Variants in GALNT13 observed in about 807,000 individuals in gnomAD.
GALNT13 encodes UDP-GalNAc:polypeptide N-acetylgalactosaminyltransferase 13.
In GALNT13, 28 loss-of-function variants were observed where a neutral mutation model predicts 64.2. The ratio of observed to expected loss-of-function variants is 0.44; its 90% CI spans 0.32 to 0.60. GALNT13 has a LOEUF of 0.60. GALNT13 is among the 20% of genes least tolerant of loss of function. The pLI is 0.05. For synonymous variants in GALNT13, 214 were observed against 224.6 expected (o/e 0.95, Z 0.42); for missense variants, 577 against 669.8 (o/e 0.86, Z 1.53).
At chr2:153,197,643 T>C in the GALNT13 span, among the ~76,000 whole-genome samples, 16 of 152,006 alleles carry the variant, frequency 1.1e-4, no homozygotes, top group Non-Finnish European at 2.1e-4. Flanking sequence ...CCCCAGGCAG[T>C]GTGTTTGAGT....
chr2:153,839,249 C>T, the GALNT13 span, among the ~76,000 whole-genome samples: 2 of 151,682 alleles, frequency 1.3e-5, no homozygotes, highest in East Asian at 1.9e-4. Context: ...ATATATTTTA[C>T]TTTTTTTTCT....
chr2:154,131,958 C>A (rs1682644895), intron 3 of GALNT13, among the ~76,000 whole-genome samples: 1 of 152,180 alleles, frequency 6.6e-6, no homozygotes, highest in Non-Finnish European at 1.5e-5. Flanking sequence ...TGTTCGAGGG[C>A]AGAAAGCATC....
chr2:153,449,261 C>A, the GALNT13 span, among the ~76,000 whole-genome samples: 1 of 152,044 alleles, frequency 6.6e-6, no homozygotes, highest in African/African-American at 2.4e-5. Flanking sequence ...TTTATGGAAG[C>A]CCAAACCGAA....
chr2:153,163,349 A>C, the GALNT13 span, among the ~76,000 whole-genome samples: 2 of 152,150 alleles, frequency 1.3e-5, no homozygotes, highest in African/African-American at 4.8e-5. Flanking sequence ...GTGTGTGCCC[A>C]TTCTTGGTTT....
At chr2:153,672,688 G>A in the GALNT13 span, among the ~76,000 whole-genome samples, 2 of 149,826 alleles carry the variant, frequency 1.3e-5, no homozygotes, top group African/African-American at 4.9e-5. Context: ...CAGAAGACAA[G>A]AAATATCTAA....
At chr2:153,964,601 A>G (rs922551192) in intron 3 of GALNT13, among the ~76,000 whole-genome samples, 1 of 152,096 alleles carries the variant, frequency 6.6e-6, no homozygotes, top group Admixed American at 6.5e-5. Flanking sequence ...TCATTAGATA[A>G]CTTGAAAAGT....
At chr2:153,342,809 G>T in the GALNT13 span, among the ~76,000 whole-genome samples, 2 of 152,000 alleles carry the variant, frequency 1.3e-5, no homozygotes, top group Admixed American at 1.3e-4. Flanking sequence ...TGTCATTTTT[G>T]ATTTCACAAA....
chr2:153,299,802 C>T, the GALNT13 span, among the ~76,000 whole-genome samples: 1 of 152,188 alleles, frequency 6.6e-6, no homozygotes, highest in Non-Finnish European at 1.5e-5. Context: ...TTTCATTCAA[C>T]CACTTTCAAT....
chr2:153,248,816 G>GA, the GALNT13 span, among the ~76,000 whole-genome samples: 23 of 136,058 alleles, frequency 1.7e-4, no homozygotes, highest in East Asian at 1.0e-3. Context: ...ACTCTGTCTC[G>GA]AAAAAAAAAA....
chr2:153,264,720 G>A, the GALNT13 span, among the ~76,000 whole-genome samples: 243 of 152,308 alleles, frequency 1.6e-3, 4 homozygotes, highest in East Asian at 0.042. Flanking sequence ...AACACTGCTT[G>A]TACTCACTTA....
intron 9 of GALNT13, among the ~76,000 whole-genome samples, chr2:154,330,325 A>G (rs1007892072): frequency 4.6e-5 from 7 of 152,074 alleles, no homozygotes; most frequent in South Asian, 2.1e-4. Flanking sequence ...AACACCCTCA[A>G]TGAATGTTTG....
intron 11 of GALNT13, chr2:154,437,852 TAAAA>T (rs10714112): frequency 1.2e-3 from 145 of 116,740 alleles, no homozygotes; most frequent in South Asian, 7.3e-3. Flanking sequence ...AGACTCCATC[TAAAA>T]AAAAAAAAAA....
the GALNT13 span, among the ~76,000 whole-genome samples, chr2:153,580,451 G>C: frequency 6.6e-6 from 1 of 152,082 alleles, no homozygotes; most frequent in Non-Finnish European, 1.5e-5. Context: ...TTTTAGCTGA[G>C]GGACTTCAGA....
chr2:153,276,587 G>C, the GALNT13 span, among the ~76,000 whole-genome samples: 3 of 151,868 alleles, frequency 2.0e-5, no homozygotes, highest in Non-Finnish European at 2.9e-5. Context: ...ATTTTATCAT[G>C]TTTTCCTGTT....
intron 4 of GALNT13, among the ~76,000 whole-genome samples, chr2:154,210,085 T>G (rs1264800496): frequency 6.6e-6 from 1 of 152,212 alleles, no homozygotes; most frequent in Non-Finnish European, 1.5e-5. Context: ...AGTAAGATCA[T>G]GTGGTATTTG....
the GALNT13 span, among the ~76,000 whole-genome samples, chr2:153,179,330 C>A: frequency 6.6e-6 from 1 of 152,132 alleles, no homozygotes; most frequent in Non-Finnish European, 1.5e-5. Context: ...GTTAAAAATT[C>A]TTGGCACCTT....
At chr2:153,377,411 C>G in the GALNT13 span, among the ~76,000 whole-genome samples, 2 of 152,074 alleles carry the variant, frequency 1.3e-5, no homozygotes, top group African/African-American at 4.8e-5. Context: ...GGGGGTGGGG[C>G]CTAGCAAGAG....
the GALNT13 span, among the ~76,000 whole-genome samples, chr2:153,564,254 G>A: frequency 6.6e-6 from 1 of 151,828 alleles, no homozygotes; most frequent in Non-Finnish European, 1.5e-5. Context: ...GATTTTAAAA[G>A]TGCATCTATA....
intron 1 of GALNT13, among the ~76,000 whole-genome samples, chr2:153,877,598 T>C (rs72862064): frequency 0.077 from 11,758 of 152,238 alleles, 528 homozygotes; most frequent in East Asian, 0.13. Context: ...AGGAGGATTA[T>C]GTAGCTTAGA....
Sources: allele counts gnomAD v4.1 joint callset (sites outside exome capture counted in the v4.1 genomes callset), GRCh38; gene constraint gnomAD v4.1.1; transcripts MANE v1.5; gene names NCBI Gene and HGNC (gene_info 2026-07-23, HGNC 2026-07-21).